Variants in ARHGAP28 observed in about 807,000 individuals in gnomAD.
The protein encoded by ARHGAP28 is Rho GTPase activating protein 28, also known as rho GTPase-activating protein 28.
A neutral mutation model predicts 90.7 loss-of-function variants in ARHGAP28; 56 were observed. That is an observed-to-expected ratio of 0.62 (90% confidence interval 0.50 to 0.77). The LOEUF is 0.77. Ranked by LOEUF, ARHGAP28 falls within the 30% of genes least tolerant of loss-of-function variation. The pLI, the probability that ARHGAP28 is intolerant of heterozygous loss-of-function variation, is 0.00. For synonymous variants in ARHGAP28, 308 were observed against 323.3 expected (o/e 0.95, Z 0.51); for missense variants, 869 against 900.9 (o/e 0.96, Z 0.45).
At chr18:6,771,693 C>G (rs919612932) in intron 1 of ARHGAP28, among the ~76,000 whole-genome samples, 7 of 152,130 alleles carry the variant, frequency 4.6e-5, no homozygotes, top group African/African-American at 1.7e-4. Context: ...TGTGAAGGCC[C>G]AACACTAAAT....
intron 1 of ARHGAP28, among the ~76,000 whole-genome samples, chr18:6,748,513 T>C (rs1471495428): frequency 6.6e-6 from 1 of 152,196 alleles, no homozygotes; most frequent in African/African-American, 2.4e-5. Flanking sequence ...AGCATTGCCA[T>C]GATGGGCAAC....
intron 3 of ARHGAP28, among the ~76,000 whole-genome samples, chr18:6,847,760 C>T (rs548716243): frequency 2.0e-5 from 3 of 152,080 alleles, no homozygotes; most frequent in African/African-American, 7.2e-5. Context: ...GAGGGATTCC[C>T]GAGACCATGC....
intron 11 of ARHGAP28, among the ~76,000 whole-genome samples, chr18:6,885,713 A>G (rs1434692781): frequency 2.6e-5 from 4 of 152,170 alleles, no homozygotes; most frequent in Admixed American, 2.6e-4. Context: ...ACTTAACTTA[A>G]AAGAGCTTCT....
chr18:6,873,640 T>C, intron 8 of ARHGAP28, 44 bp from the exon 9 acceptor site: 1 of 1,608,572 alleles, frequency 6.2e-7, no homozygotes, highest in Non-Finnish European at 8.5e-7. Flanking sequence ...ATAATGCTTT[T>C]CTAATTCTTT....
At chr18:6,846,786 A>G (rs2056869495) in intron 3 of ARHGAP28, among the ~76,000 whole-genome samples, 2 of 152,042 alleles carry the variant, frequency 1.3e-5, no homozygotes, top group African/African-American at 2.4e-5. Context: ...TCTGCCTTCT[A>G]TTTTGGTTGT....
intron 3 of ARHGAP28, among the ~76,000 whole-genome samples, chr18:6,843,267 G>T (rs1202051958): frequency 2.0e-5 from 3 of 152,120 alleles, no homozygotes; most frequent in African/African-American, 4.8e-5. Context: ...ACCGAGGCAG[G>T]TGTCACTCAT....
intron 4 of ARHGAP28, among the ~76,000 whole-genome samples, chr18:6,859,407 G>A (rs1038968932): frequency 1.3e-5 from 2 of 152,140 alleles, no homozygotes; most frequent in Non-Finnish European, 2.9e-5. Context: ...TCATGAGCAT[G>A]TATCAAATGA....
intron 1 of ARHGAP28, among the ~76,000 whole-genome samples, chr18:6,810,362 C>T (rs1377637594): frequency 6.6e-6 from 1 of 152,118 alleles, no homozygotes; most frequent in African/African-American, 2.4e-5. Flanking sequence ...TGAACAAAGG[C>T]ACCCAGTCAT....
At chr18:6,797,075 T>C (rs984742460) in intron 1 of ARHGAP28, among the ~76,000 whole-genome samples, 2 of 152,200 alleles carry the variant, frequency 1.3e-5, no homozygotes, top group African/African-American at 4.8e-5. Context: ...TAAATAGACT[T>C]TGGGGCTCTA....
At chr18:6,771,104 A>G (rs979309249) in intron 1 of ARHGAP28, among the ~76,000 whole-genome samples, 16 of 152,002 alleles carry the variant, frequency 1.1e-4, no homozygotes, top group Admixed American at 9.8e-4. Flanking sequence ...TGGTATGATC[A>G]TGGCTCACTG....
chr18:6,850,494 C>G (rs1196875696), intron 3 of ARHGAP28, among the ~76,000 whole-genome samples: 1 of 152,196 alleles, frequency 6.6e-6, no homozygotes, highest in Non-Finnish European at 1.5e-5. Context: ...TGGCAGTGAT[C>G]TATCAATTTT....
chr18:6,788,185 A>G (rs2056379812), intron 1 of ARHGAP28, among the ~76,000 whole-genome samples: 1 of 152,112 alleles, frequency 6.6e-6, no homozygotes, highest in Non-Finnish European at 1.5e-5. Flanking sequence ...TTGTTACTGT[A>G]TAGTGAGTGA....
chr18:6,775,538 C>T (rs2056276883), intron 1 of ARHGAP28, among the ~76,000 whole-genome samples: 1 of 152,048 alleles, frequency 6.6e-6, no homozygotes, highest in African/African-American at 2.4e-5. Context: ...TTTAGTTTTA[C>T]CTCCGATTTC....
intron 8 of ARHGAP28, 37 bp from the exon 9 acceptor site, chr18:6,873,647 C>CTT: frequency 4.9e-6 from 6 of 1,220,758 alleles, no homozygotes; most frequent in Middle Eastern, 2.0e-4. Flanking sequence ...TTTTCTAATT[C>CTT]TTTTTTTTTT....
At chr18:6,910,983 T>C (rs1315574320) in intron 17 of ARHGAP28, among the ~76,000 whole-genome samples, 1 of 151,940 alleles carries the variant, frequency 6.6e-6, no homozygotes, top group Non-Finnish European at 1.5e-5. Context: ...TAGCTGGGAT[T>C]ACAGGCGCCC....
chr18:6,826,902 C>G (rs983357721), intron 2 of ARHGAP28, among the ~76,000 whole-genome samples: 1 of 152,084 alleles, frequency 6.6e-6, no homozygotes, highest in Non-Finnish European at 1.5e-5. Context: ...AACGAGCACT[C>G]TGCCTTCAAG....
At position 6,729,906 on chromosome 18, in the gene ARHGAP28, T is replaced by C. The variant is rs1396443741; in HGVS notation, c.85T>C (p.Cys29Arg). ...CCAGCCCCCCAACGCCGAGTCGCGCTGCGCGCCCCGCGCCGCAGCCAGCCA... is the reference window on the plus strand; with the variant it reads ...CCAGCCCCCCAACGCCGAGTCGCGCCGCGCGCCCCGCGCCGCAGCCAGCCA... ...RAQPPNAESRCAPRAAASHPL... is the reference protein window; with the variant it reads ...RAQPPNAESRRAPRAAASHPL... Residue 29 changes from cysteine (C) to arginine (R), a missense_variant, in exon 1 of 18, where the codon TGC becomes CGC. Physicochemically the swap from Cys to Arg is radical, Grantham distance 180. Transcript: ENST00000383472. 7.1e-7 allele frequency: 1 copy of C among 1,417,320 alleles called. No individual in the cohort carries two copies. 87.8% of individuals were successfully genotyped at this position (1,417,320 alleles called of 1,614,324 possible).
At chr18:6,754,734 C>T (rs1229314004) in intron 1 of ARHGAP28, 3 of 152,138 alleles carry the variant, frequency 2.0e-5, no homozygotes, top group Admixed American at 6.6e-5. Context: ...AAATGAAGCC[C>T]TGGACCTGGG....
At chr18:6,901,008 A>C (rs2057335513) in intron 16 of ARHGAP28, among the ~76,000 whole-genome samples, 1 of 152,196 alleles carries the variant, frequency 6.6e-6, no homozygotes, top group Non-Finnish European at 1.5e-5. Flanking sequence ...TACTTAAAGG[A>C]AAGAACTGTC....
Sources: allele counts gnomAD v4.1 joint callset (sites outside exome capture counted in the v4.1 genomes callset), GRCh38; gene constraint gnomAD v4.1.1; transcripts MANE v1.5; gene names NCBI Gene and HGNC (gene_info 2026-07-23, HGNC 2026-07-21).